Variants in HNF4G observed in about 807,000 individuals in gnomAD.
The protein encoded by HNF4G is hepatocyte nuclear factor 4 gamma.
Under a neutral mutation model 50.9 loss-of-function variants are expected in HNF4G, and 21 were observed. The ratio of observed to expected loss-of-function variants is 0.41; its 90% CI spans 0.29 to 0.59. HNF4G has a LOEUF of 0.59. HNF4G is among the 20% of genes least tolerant of loss of function. The pLI is 0.26. For synonymous variants in HNF4G, 198 were observed against 185.6 expected, an observed-to-expected ratio of 1.07 and a Z score of -0.54; for missense variants, 527 against 559.4, an observed-to-expected ratio of 0.94 and a Z score of 0.58.
At chr8:75,411,225 G>T (rs533129009) in intron 1 of HNF4G, among the ~76,000 whole-genome samples, 2 of 152,306 alleles carry the variant, frequency 1.3e-5, no homozygotes, top group Admixed American at 6.5e-5. Flanking sequence ...CTGCACAAAG[G>T]TGCCTAACTG....
intron 1 of HNF4G, among the ~76,000 whole-genome samples, chr8:75,467,520 C>T (rs565556320): frequency 1.3e-5 from 2 of 151,990 alleles, no homozygotes; most frequent in Admixed American, 6.6e-5. Context: ...ATCAGCTGAG[C>T]GTGGTGGCAC....
At chr8:75,557,138 T>C (rs1252419119) in intron 6 of HNF4G, among the ~76,000 whole-genome samples, 1 of 152,186 alleles carries the variant, frequency 6.6e-6, no homozygotes, top group Non-Finnish European at 1.5e-5. Context: ...CTAAATGCAA[T>C]ATACCTAGAA....
intron 2 of HNF4G, among the ~76,000 whole-genome samples, chr8:75,544,543 A>C (rs1353416851): frequency 6.6e-6 from 1 of 152,006 alleles, no homozygotes; most frequent in Non-Finnish European, 1.5e-5. Context: ...AAAATTTAGA[A>C]TGTATTTCTC....
rs1443889006 is a variant in HNF4G at position 75,494,750 on chromosome 8, A to G, written c.-24+4542A>G. On this transcript the variant is annotated intron_variant, in intron 2 of 10. Transcript: ENST00000354370. ...AAAGGATTAACTTTTAGATAATACT[A>G]GTAATAGCATATGTAGAAATAAACA... is the stretch of plus-strand genomic sequence containing the variant. Among the ~76,000 whole-genome samples, 3 of 152,074 alleles carry G rather than the reference A, an allele frequency of 2.0e-5. No individual in the cohort carries two copies. The East Asian group carries it at 5.8e-4, about 29-fold the overall frequency.
intron 2 of HNF4G, among the ~76,000 whole-genome samples, chr8:75,511,371 T>C (rs1025624191): frequency 6.6e-6 from 1 of 152,184 alleles, no homozygotes; most frequent in Admixed American, 6.5e-5. Context: ...TTTGCCTTAA[T>C]ATGTAATTGG....
chr8:75,442,435 G>A (rs372322392), intron 1 of HNF4G, among the ~76,000 whole-genome samples: 14 of 152,048 alleles, frequency 9.2e-5, no homozygotes, highest in Middle Eastern at 3.4e-3. Context: ...ATGGCCCAGC[G>A]CAATGGCTCA....
chr8:75,435,696 C>T (rs979140251), intron 1 of HNF4G, among the ~76,000 whole-genome samples: 1 of 152,176 alleles, frequency 6.6e-6, no homozygotes. Flanking sequence ...CGGATTCAAG[C>T]AATTCTCCTG....
intron 1 of HNF4G, among the ~76,000 whole-genome samples, chr8:75,460,240 G>C (rs1811813065): frequency 2.6e-5 from 4 of 152,060 alleles, no homozygotes; most frequent in Admixed American, 2.0e-4. Flanking sequence ...AAGTGGACAT[G>C]GTTTCTAGTT....
intron 1 of HNF4G, among the ~76,000 whole-genome samples, chr8:75,432,457 C>T (rs973850991): frequency 2.6e-5 from 4 of 151,852 alleles, no homozygotes; most frequent in Admixed American, 6.6e-5. Flanking sequence ...GCTGGGATTA[C>T]GTCTGGCTAA....
intron 1 of HNF4G, among the ~76,000 whole-genome samples, chr8:75,427,720 G>A (rs1810920916): frequency 6.6e-6 from 1 of 152,082 alleles, no homozygotes; most frequent in Admixed American, 6.6e-5. Flanking sequence ...ATAAGCCTAT[G>A]TTTCTTTGAT....
upstream of HNF4G, among the ~76,000 whole-genome samples, chr8:75,539,247 A>G (rs886454305): frequency 3.9e-5 from 6 of 152,170 alleles, no homozygotes; most frequent in East Asian, 3.9e-4. Context: ...CCCATGTACT[A>G]GCAGCTGTAC....
chr8:75,433,299 T>G (rs1811057779), intron 1 of HNF4G, among the ~76,000 whole-genome samples: 4 of 151,314 alleles, frequency 2.6e-5, no homozygotes, highest in Non-Finnish European at 5.9e-5. Flanking sequence ...TTTTAGCCAC[T>G]CAGGAGGCTG....
rs572147157 is a variant in HNF4G, at chr8:75,452,005, T to C, written c.-143-38084T>C. Among the ~76,000 whole-genome samples the C allele has an allele frequency of 3.3e-5, 5 of 152,176 alleles. No individual in the cohort carries two copies. The East Asian group carries it at 5.8e-4, about 18-fold the overall frequency. On this transcript the variant is annotated intron_variant, in intron 1 of 10. Transcript: ENST00000354370. Reference sequence around the variant, plus strand: ...AAACATTACTTCTGATCCCATTCCATTGGTGGAAACTTAGTTCCATGGCTT... The same window carrying C: ...AAACATTACTTCTGATCCCATTCCACTGGTGGAAACTTAGTTCCATGGCTT...
chr8:75,409,144 C>T (rs1177734273), intron 1 of HNF4G, among the ~76,000 whole-genome samples: 1 of 152,118 alleles, frequency 6.6e-6, no homozygotes, highest in African/African-American at 2.4e-5. Flanking sequence ...TTCCTGGTAT[C>T]ACTTGAAGGT....
chr8:75,490,486 C>A (rs1384403445), intron 2 of HNF4G, among the ~76,000 whole-genome samples: 1 of 152,052 alleles, frequency 6.6e-6, no homozygotes, highest in African/African-American at 2.4e-5. Flanking sequence ...TGTTTATATG[C>A]ACGTTTGGAG....
intron 1 of HNF4G, among the ~76,000 whole-genome samples, chr8:75,445,834 C>T (rs1373679390): frequency 2.3e-5 from 3 of 132,048 alleles, no homozygotes; most frequent in East Asian, 2.3e-4. Flanking sequence ...GATTCACAGC[C>T]GAATTCTACC....
At chr8:75,520,849 A>C (rs1806021771) in intron 2 of HNF4G, among the ~76,000 whole-genome samples, 1 of 152,036 alleles carries the variant, frequency 6.6e-6, no homozygotes, top group Non-Finnish European at 1.5e-5. Context: ...TTTTCTGACA[A>C]AACTTATTTT....
chr8:75,486,206 A>G (rs1019555537), intron 1 of HNF4G, among the ~76,000 whole-genome samples: 1 of 152,170 alleles, frequency 6.6e-6, no homozygotes, highest in African/African-American at 2.4e-5. Flanking sequence ...CCTTAACCTT[A>G]CAAATGAAAC....
chr8:75,514,483 GC>G, intron 2 of HNF4G, among the ~76,000 whole-genome samples: 1 of 150,774 alleles, frequency 6.6e-6, no homozygotes, highest in Admixed American at 6.6e-5. Context: ...CTCCCAAGTA[GC>G]TGAGACTACA....
Sources: allele counts gnomAD v4.1 joint callset (sites outside exome capture counted in the v4.1 genomes callset), GRCh38; gene constraint gnomAD v4.1.1; transcripts MANE v1.5; gene names NCBI Gene and HGNC (gene_info 2026-07-23, HGNC 2026-07-21).